The following GMPR variants were observed in gnomAD, a reference collection of about 807,000 sequenced individuals.
GMPR encodes GMP reductase 1.
A neutral mutation model predicts 38.4 loss-of-function variants in GMPR; 31 were observed. The ratio of observed to expected loss-of-function variants is 0.81; its 90% CI spans 0.61 to 1.09. The LOEUF (loss-of-function observed/expected upper bound fraction) is 1.09. GMPR is among the 50% of genes least tolerant of loss of function. GMPR has a pLI of 0.00. For missense variants in GMPR, 468 were observed against 453.7 expected (o/e 1.03, Z -0.29); for synonymous variants, 162 against 173.3 (o/e 0.93, Z 0.51).
chr6:16,278,587 G>T (rs1426217834), intron 5 of GMPR, among the ~76,000 whole-genome samples, 197 bp from the exon 6 acceptor site: 1 of 152,154 alleles, frequency 6.6e-6, no homozygotes, highest in Non-Finnish European at 1.5e-5. Flanking sequence ...AGGACCGGAG[G>T]GGGTGCATGA....
At chr6:16,289,472 A>G (rs1324914344) in intron 7 of GMPR, 1 of 152,232 alleles carries the variant, frequency 6.6e-6, no homozygotes, top group Non-Finnish European at 1.5e-5. Flanking sequence ...GGATCAACAT[A>G]GAACCAGCCC....
At chr6:16,247,623 C>T (rs1342045251) in intron 2 of GMPR, among the ~76,000 whole-genome samples, 1 of 152,198 alleles carries the variant, frequency 6.6e-6, no homozygotes, top group Non-Finnish European at 1.5e-5. Flanking sequence ...GATCCGCCTG[C>T]CTTGGCCTAC....
intron 4 of GMPR, among the ~76,000 whole-genome samples, chr6:16,263,918 G>T (rs182596658): frequency 1.3e-5 from 2 of 151,738 alleles, no homozygotes; most frequent in East Asian, 3.9e-4. Context: ...GGGACTTGCC[G>T]CTAAGTGTGA....
chr6:16,244,701 G>T (rs964738544), intron 1 of GMPR, among the ~76,000 whole-genome samples: 1 of 152,160 alleles, frequency 6.6e-6, no homozygotes, highest in East Asian at 1.9e-4. Context: ...GCCAGACTAA[G>T]TGCCAAGTGT....
chr6:16,288,320 G>T (rs1033591678), intron 7 of GMPR, among the ~76,000 whole-genome samples: 2 of 152,380 alleles, frequency 1.3e-5, no homozygotes, highest in East Asian at 3.9e-4. Context: ...TTCCGGGTGG[G>T]TGTGGGCTTG....
At chr6:16,252,645 T>G (rs1268022901) in intron 3 of GMPR, among the ~76,000 whole-genome samples, 1 of 152,070 alleles carries the variant, frequency 6.6e-6, no homozygotes, top group Non-Finnish European at 1.5e-5. Context: ...CGCCACCAAA[T>G]AAAAGGCGAA....
At chr6:16,261,178 C>T (rs1000467737) in intron 4 of GMPR, among the ~76,000 whole-genome samples, 2 of 151,998 alleles carry the variant, frequency 1.3e-5, no homozygotes, top group Non-Finnish European at 2.9e-5. Context: ...ATTCTGACTG[C>T]ACTAACCATG....
At position 16,263,558 on chromosome 6, in the gene GMPR, AAAGGGGTTGGGGCGTGGAAAT is replaced by A. The variant is rs559404250; in HGVS notation, c.465+8835_465+8855del. Reference sequence around the variant, plus strand: ...GGTTCTTACCTTCCAGAAAAGCGGGAAAGGGGTTGGGGCGTGGAAATAAGGGGTTGGGATGCAGAGATAAGA... The same window carrying A: ...GGTTCTTACCTTCCAGAAAAGCGGGAAAGGGGTTGGGATGCAGAGATAAGA... On this transcript the variant is annotated intron_variant, in intron 4 of 8. Transcript: ENST00000259727. Among the ~76,000 whole-genome samples the A allele has an allele frequency of 5.3e-4, 81 of 151,684 alleles. 2 individuals are homozygous for A. Among genetic ancestry groups the A allele is most frequent in the African/African-American group, 1.8e-3 (74 of 41,432 alleles).
chr6:16,239,460 G>A (rs150276342), intron 1 of GMPR, among the ~76,000 whole-genome samples: 19 of 152,342 alleles, frequency 1.2e-4, no homozygotes, highest in African/African-American at 3.4e-4. Flanking sequence ...CAAATCCTAA[G>A]GAACAGGTGG....
chr6:16,274,046 C>T (rs569895960), intron 4 of GMPR, among the ~76,000 whole-genome samples: 9 of 152,196 alleles, frequency 5.9e-5, no homozygotes, highest in African/African-American at 2.2e-4. Flanking sequence ...AATCTCTTGA[C>T]CTCATGATCT....
chr6:16,252,820 T>C (rs1358196005), intron 3 of GMPR, among the ~76,000 whole-genome samples: 2 of 152,148 alleles, frequency 1.3e-5, no homozygotes, highest in Non-Finnish European at 2.9e-5. Flanking sequence ...GGCAGAGCTG[T>C]GAACCACGAG....
intron 1 of GMPR, among the ~76,000 whole-genome samples, chr6:16,245,635 A>G (rs1031395678): frequency 2.0e-5 from 3 of 152,168 alleles, no homozygotes; most frequent in Non-Finnish European, 4.4e-5. Flanking sequence ...CAGAGAAACA[A>G]ACGATGCTGA....
chr6:16,241,897 C>T (rs1406222432), intron 1 of GMPR, among the ~76,000 whole-genome samples: 1 of 151,894 alleles, frequency 6.6e-6, no homozygotes, highest in Non-Finnish European at 1.5e-5. Flanking sequence ...ACCTACCACG[C>T]TCTGCTAATT....
At chr6:16,266,004 A>C (rs982349325) in intron 4 of GMPR, among the ~76,000 whole-genome samples, 1 of 152,036 alleles carries the variant, frequency 6.6e-6, no homozygotes, top group Non-Finnish European at 1.5e-5. Context: ...TGTAACACTC[A>C]CCGTGAAGGT....
intron 5 of GMPR, among the ~76,000 whole-genome samples, chr6:16,275,323 C>T (rs1195697081): frequency 6.6e-6 from 1 of 152,056 alleles, no homozygotes; most frequent in Non-Finnish European, 1.5e-5. Context: ...AGGAAGCAAA[C>T]CTAAACCAAT....
intron 7 of GMPR, chr6:16,289,934 A>C (rs1233461019): frequency 8.2e-6 from 1 of 121,484 alleles, no homozygotes; most frequent in Non-Finnish European, 1.6e-5. Flanking sequence ...CAGTGGCATG[A>C]TCTCGGCTCA....
chr6:16,266,679 C>G (rs182657527), intron 4 of GMPR, among the ~76,000 whole-genome samples: 1 of 151,532 alleles, frequency 6.6e-6, no homozygotes, highest in East Asian at 2.0e-4. Context: ...GGCGCAGTGG[C>G]GGGCGCCTGT....
chr6:16,285,025 AAAAAAAAC>A (rs1759649724), intron 6 of GMPR, among the ~76,000 whole-genome samples: 1 of 138,640 alleles, frequency 7.2e-6, no homozygotes, highest in African/African-American at 3.1e-5. Context: ...CTCAAAAAAA[AAAAAAAAC>A]AAAAAAAAAA....
chr6:16,295,427 A>C lies in GMPR; in HGVS notation c.*241A>C. ...CCTGCTGCCCAGAACTCATAACCTC[A>C]TTGTTCAAACCAACACTTGCACCTT... On this transcript the variant is annotated 3_prime_UTR_variant, in exon 9 of 9. Transcript: ENST00000259727. 1 of 388,782 alleles carries C rather than the reference A, an allele frequency of 2.6e-6. No homozygotes were observed. Among genetic ancestry groups the C allele is most frequent in the Non-Finnish European group, 4.5e-6 (1 of 221,384 alleles). 24.1% of individuals were successfully genotyped at this position (388,782 alleles called of 1,614,324 possible). A position where few individuals can be genotyped will look rare whatever the true frequency, so the allele number is the denominator to read the frequency against.
Sources: gnomAD v4.1 joint callset for allele counts (sites outside exome capture counted in the v4.1 genomes callset) on GRCh38, gnomAD v4.1.1 for gene constraint, MANE v1.5 for transcripts, NCBI Gene and HGNC (gene_info 2026-07-23, HGNC 2026-07-21) for gene names.